Variants in KCNJ13 observed in about 807,000 individuals in gnomAD.
KCNJ13 encodes inward rectifier potassium channel 13.
Under a neutral mutation model 24.6 loss-of-function variants are expected in KCNJ13, and 9 were observed. The observed-to-expected ratio is 0.37, with a 90% CI of 0.22 to 0.64. KCNJ13 has a LOEUF of 0.64. Ranked by LOEUF, KCNJ13 falls within the 30% of genes least tolerant of loss-of-function variation. The probability of loss-of-function intolerance (pLI) is 0.64; values close to 1 mark genes in which losing one functional copy is unlikely to be tolerated. For synonymous variants in KCNJ13, 148 were observed against 154.7 expected (o/e 0.96, Z 0.32); for missense variants, 337 against 443.8 (o/e 0.76, Z 2.16).
rs146479150 is a variant in KCNJ13 at position 232,775,237 on chromosome 2, G to T, written c.-17+1208C>A. ...TTAGTGTAGAGAACGCAGGATAAGG[G>T]GATATGGCCTTCAGGCTCTAGCACT... is the stretch of plus-strand genomic sequence containing the variant. On this transcript the variant is annotated intron_variant, in intron 1 of 2. Coordinates refer to ENST00000233826, the MANE Select transcript of KCNJ13 (RefSeq NM_002242.4). Among the ~76,000 whole-genome samples the T allele has an allele frequency of 8.7e-3, 1,322 of 152,016 alleles. 35 individuals carry two copies. The highest frequency in any genetic ancestry group is 0.054 in the Admixed American group (830 of 15,256).
chr2:232,767,837 A>T lies in KCNJ13; in HGVS notation c.*354T>A. On this transcript the variant is annotated 3_prime_UTR_variant, in exon 3 of 3. Coordinates refer to ENST00000233826, the MANE Select transcript of KCNJ13 (RefSeq NM_002242.4). ...TTGCTTCAATTTGCAGATGAAAATG[A>T]GAGATTAATGGTTGATTTTCTTAGA... 3.7e-6 allele frequency: 1 copy of T among 267,812 alleles called. No homozygotes were observed. Among genetic ancestry groups the T allele is most frequent in the Admixed American group, 5.1e-5 (1 of 19,706 alleles). The allele number at this position is 267,812 out of a possible 1,614,324, so 16.6% of individuals were successfully genotyped here.
At chr2:232,769,865 A>C (rs569313548) in intron 2 of KCNJ13, among the ~76,000 whole-genome samples, 1 of 152,346 alleles carries the variant, frequency 6.6e-6, no homozygotes, top group Non-Finnish European at 1.5e-5. Flanking sequence ...CTGATACATT[A>C]AATAACAGTC....
intron 1 of KCNJ13, among the ~76,000 whole-genome samples, chr2:232,775,900 A>G (rs1338243819): frequency 6.6e-6 from 1 of 152,202 alleles, no homozygotes; most frequent in African/African-American, 2.4e-5. Flanking sequence ...AATTAGGGCA[A>G]ACACTATTGA....
At position 232,768,153 on chromosome 2, in the gene KCNJ13, G is replaced by T. The variant is rs376837580; in HGVS notation, c.*38C>A. The T allele has an allele frequency of 6.9e-6, 11 of 1,604,020 alleles. No homozygotes were observed. In the African/African-American group the frequency reaches 1.5e-4, roughly 21 times the overall value. On this transcript the variant is annotated 3_prime_UTR_variant, in exon 3 of 3. Coordinates refer to ENST00000233826, the MANE Select transcript of KCNJ13 (RefSeq NM_002242.4). ...GTAAAGAAAAAGTAGCTGCATAACT[G>T]GCTGGGTGTATTTAATACATTAAAA...
Position 232,768,691 on chromosome 2 carries a change from G to A in KCNJ13, c.583C>T (p.Arg195Ter). ...CGGACACTGGTTAGAGGGCTAGGTC[G>A]GGTGTTGGCCACTTGGAAGATAAGA... Reference protein sequence around the residue: ...PNLIFQVANTRPSPLTSVRVS... With the variant: ...PNLIFQVANT Residue 195 changes from arginine (R) to a stop codon, truncating the protein, a stop_gained, in exon 3 of 3, where the codon CGA becomes TGA. Transcript: ENST00000233826. LOFTEE classifies it high-confidence loss of function. 1 of 1,607,198 alleles carries A rather than the reference G, an allele frequency of 6.2e-7. No homozygotes were observed. Among genetic ancestry groups the A allele is most frequent in the Non-Finnish European group, 8.5e-7 (1 of 1,174,576 alleles).
Position 232,768,041 on chromosome 2 carries a change from G to A in KCNJ13, c.*150C>T, listed in dbSNP as rs1699046167. On this transcript the variant is annotated 3_prime_UTR_variant, in exon 3 of 3. Coordinates refer to ENST00000233826, the MANE Select transcript of KCNJ13 (RefSeq NM_002242.4). Reference sequence around the variant, plus strand: ...TATGTTTCCAGAATGTGTATTGTTAGCTCAGCCATTCTTATGTAGGCATAG... The same window carrying A: ...TATGTTTCCAGAATGTGTATTGTTAACTCAGCCATTCTTATGTAGGCATAG... The A allele has an allele frequency of 1.5e-5, 11 of 720,526 alleles. No homozygotes were observed. The highest frequency in any genetic ancestry group is 2.6e-5 in the Non-Finnish European group (11 of 430,904). The allele number at this position is 720,526 out of a possible 1,614,324, so 44.6% of individuals were successfully genotyped here. A position where few individuals can be genotyped will look rare whatever the true frequency, so the allele number is the denominator to read the frequency against.
Position 232,768,233 on chromosome 2 carries a change from G to A in KCNJ13, c.1041C>T (p.Ser347=), listed in dbSNP as rs750120231. ...TDLDIHINGQ[S]IDNFQISETG... is the part of the protein sequence containing the mutation. ...TTTCAGAGATCTGAAAATTGTCAATGCTTTGTCCATTGATGTGGATATCCA... is the reference window on the plus strand; with the variant it reads ...TTTCAGAGATCTGAAAATTGTCAATACTTTGTCCATTGATGTGGATATCCA... The change falls in exon 3 of 3, where the codon AGC becomes AGT. Residue 347 remains serine (S), a synonymous_variant. Transcript: ENST00000233826. 1.2e-6 allele frequency: 2 copies of A among 1,614,102 alleles called. No individual in the cohort carries two copies. The highest frequency in any genetic ancestry group is 1.7e-6 in the Non-Finnish European group (2 of 1,179,976).
At chr2:232,770,253 A>G (rs1020950074) in intron 2 of KCNJ13, among the ~76,000 whole-genome samples, 4 of 152,218 alleles carry the variant, frequency 2.6e-5, no homozygotes, top group African/African-American at 9.6e-5. Flanking sequence ...TTCTTTTGAA[A>G]TTATGTATGT....
Position 232,766,973 on chromosome 2 carries a change from CTT to C in KCNJ13, c.*1216_*1217del, listed in dbSNP as rs1024267411. 3 of 151,874 alleles carry C rather than the reference CTT, an allele frequency of 2.0e-5. No individual in the cohort carries two copies. The highest frequency in any genetic ancestry group is 7.2e-5 in the African/African-American group (3 of 41,456). 9.4% of individuals were successfully genotyped at this position (151,874 alleles called of 1,614,324 possible). On this transcript the variant is annotated 3_prime_UTR_variant, in exon 3 of 3. Transcript: ENST00000233826. ...TTGTTTTGTTTTAAGGACAGTTTCT[CTT>C]TTTTTTATTGAAATGAAAATCATGC...
chr2:232,772,065 A>G (rs1329123065), intron 1 of KCNJ13, among the ~76,000 whole-genome samples: 4 of 152,148 alleles, frequency 2.6e-5, no homozygotes, highest in African/African-American at 9.7e-5. Context: ...GCTCACTGCA[A>G]CCTCAGCAAA....
In KCNJ13 at chr2:232,768,017, A is replaced by G; in HGVS notation, c.*174T>C. On this transcript the variant is annotated 3_prime_UTR_variant, in exon 3 of 3. Coordinates refer to ENST00000233826, the MANE Select transcript of KCNJ13 (RefSeq NM_002242.4). ...AACAAACTTTGTAATGTAGAGTGTT[A>G]TGTTTCCAGAATGTGTATTGTTAGC... The G allele has an allele frequency of 1.6e-6, 1 of 636,450 alleles. No homozygotes were observed. The allele number at this position is 636,450 out of a possible 1,614,324, so 39.4% of individuals were successfully genotyped here.
At chr2:232,773,368 G>T (rs564917759) in intron 1 of KCNJ13, among the ~76,000 whole-genome samples, 1 of 152,200 alleles carries the variant, frequency 6.6e-6, no homozygotes, top group African/African-American at 2.4e-5. Flanking sequence ...TTCAGATGAA[G>T]TCACTGGTGC....
At chr2:232,775,531 C>T (rs934278185) in intron 1 of KCNJ13, among the ~76,000 whole-genome samples, 1 of 152,122 alleles carries the variant, frequency 6.6e-6, no homozygotes, top group Non-Finnish European at 1.5e-5. Flanking sequence ...GTCTCATCAG[C>T]TGATCCCAAT....
At position 232,768,248 on chromosome 2, in the gene KCNJ13, G is replaced by A. The variant is rs1408988792; in HGVS notation, c.1026C>T (p.His342=). 6.2e-7 allele frequency: 1 copy of A among 1,613,758 alleles called. No homozygotes were observed. The highest frequency in any genetic ancestry group is 1.1e-5 in the South Asian group (1 of 91,074). ...AATTGTCAATGCTTTGTCCATTGAT[G>A]TGGATATCCAGGTCAGTCCTGTTTG... is the stretch of plus-strand genomic sequence containing the variant. The part of the protein sequence containing the change: ...KSPNRTDLDI[H]INGQSIDNFQ... Residue 342 remains histidine (H), a synonymous_variant, in exon 3 of 3, where the codon CAC becomes CAT. Transcript: ENST00000233826.
chr2:232,776,322 A>G (rs1314244287), intron 1 of KCNJ13, 123 bp downstream of exon 1: 6 of 700,242 alleles, frequency 8.6e-6, no homozygotes, highest in Admixed American at 4.6e-5. Flanking sequence ...ATCCTACACT[A>G]TAGATAATGT....
chr2:232,769,798 T>G (rs1168352351), intron 2 of KCNJ13, among the ~76,000 whole-genome samples: 2 of 152,176 alleles, frequency 1.3e-5, no homozygotes, highest in Admixed American at 6.5e-5. Context: ...AGAAACCAAA[T>G]TATTGAAATT....
At position 232,768,012 on chromosome 2, in the gene KCNJ13, G is replaced by C; in HGVS notation, c.*179C>G. The C allele has an allele frequency of 1.6e-6, 1 of 623,614 alleles. No individual in the cohort carries two copies. Among genetic ancestry groups the C allele is most frequent in the East Asian group, 2.8e-5 (1 of 35,922 alleles). 38.6% of individuals were successfully genotyped at this position (623,614 alleles called of 1,614,324 possible). Reference sequence around the variant, plus strand: ...CAGGTAACAAACTTTGTAATGTAGAGTGTTATGTTTCCAGAATGTGTATTG... The same window carrying C: ...CAGGTAACAAACTTTGTAATGTAGACTGTTATGTTTCCAGAATGTGTATTG... On this transcript the variant is annotated 3_prime_UTR_variant, in exon 3 of 3. Coordinates refer to ENST00000233826, the MANE Select transcript of KCNJ13 (RefSeq NM_002242.4).
intron 1 of KCNJ13, among the ~76,000 whole-genome samples, chr2:232,771,865 ACTGT>A (rs977949572): frequency 2.0e-5 from 3 of 152,184 alleles, no homozygotes; most frequent in African/African-American, 7.2e-5. Context: ...TTATTATTAA[ACTGT>A]CTGCAAATCC....
In KCNJ13 at chr2:232,771,159, C is replaced by T. The variant is rs1003135933; in HGVS notation, c.204G>A (p.Trp68Ter). 1 of 1,613,896 alleles carries T rather than the reference C, an allele frequency of 6.2e-7. No individual in the cohort carries two copies. The highest frequency in any genetic ancestry group is 1.3e-5 in the African/African-American group (1 of 74,894). ...CATACCAGAGCACTGCAAAGACAAG[C>T]CAGTGGACAACAAAAGAAGCAGAAA... ...LVFSASFVVHWLVFAVLWYVL... is the reference protein window; with the variant it reads ...LVFSASFVVH Residue 68 changes from tryptophan to a stop codon, truncating the protein, a stop_gained, in exon 2 of 3, where the codon TGG becomes TGA. Coordinates refer to ENST00000233826, the MANE Select transcript of KCNJ13 (RefSeq NM_002242.4). LOFTEE classifies it high-confidence loss of function.
Sources: allele counts gnomAD v4.1 joint callset (sites outside exome capture counted in the v4.1 genomes callset), GRCh38; gene constraint gnomAD v4.1.1; transcripts MANE v1.5; gene names NCBI Gene and HGNC (gene_info 2026-07-23, HGNC 2026-07-21).